The following ELFN1 variants were observed in gnomAD, a reference collection of about 807,000 sequenced individuals.
ELFN1 encodes the protein extracellular leucine rich repeat and fibronectin type III domain containing 1, also known as protein ELFN1.
A neutral mutation model predicts 7.6 loss-of-function variants in ELFN1; 6 were observed. The ratio of observed to expected loss-of-function variants is 0.79; its 90% CI spans 0.43 to 1.56. The LOEUF (loss-of-function observed/expected upper bound fraction) is 1.56. Among genes scored for constraint, ELFN1 ranks in the 40% most tolerant of loss-of-function variants. ELFN1 has a pLI of 0.01. For synonymous variants in ELFN1, 657 were observed against 588.1 expected (o/e 1.12, Z -1.70); for missense variants, 1,169 against 1,232.2 (o/e 0.95, Z 0.77).
In ELFN1 at chr7:1,746,640, A is replaced by G. The variant is rs749201685; in HGVS notation, c.2044A>G (p.Thr682Ala). The G allele has an allele frequency of 6.6e-6, 9 of 1,355,428 alleles. No individual in the cohort carries two copies. The South Asian group carries it at 1.5e-4, about 23-fold the overall frequency. The allele number at this position is 1,355,428 out of a possible 1,614,324, so 84.0% of individuals were successfully genotyped here. ...CTCCCCCGCGGCCGACGCCATCCTC[A>G]CTGTGACACCCGCGGCCGCCGTGCT... ...KGSPAADAIL[T>A]VTPAAAVLRA... The change falls in exon 4 of 4, where the codon ACT becomes GCT. Residue 682 changes from threonine to alanine, a missense_variant. Thr to Ala is a moderately conservative substitution (Grantham distance 58, BLOSUM62 0). Around this residue, in one of 2 missense-constraint regions of ELFN1, gnomAD observed 914 missense variants for 872.6 expected, o/e 1.05. Transcript: ENST00000424383.
intron 3 of ELFN1, among the ~76,000 whole-genome samples, chr7:1,733,388 C>G (rs937458908): frequency 1.3e-5 from 2 of 151,984 alleles, no homozygotes; most frequent in Non-Finnish European, 2.9e-5. Flanking sequence ...TGCTGATGGG[C>G]GTGGGGACAG....
intron 3 of ELFN1, among the ~76,000 whole-genome samples, chr7:1,715,571 C>A (rs1779804886): frequency 6.6e-6 from 1 of 152,228 alleles, no homozygotes; most frequent in African/African-American, 2.4e-5. Flanking sequence ...AAGCCCCTTC[C>A]CCGCTGCAAT....
At chr7:1,678,834 G>A (rs1778920977) in intron 1 of ELFN1, among the ~76,000 whole-genome samples, 3 of 152,226 alleles carry the variant, frequency 2.0e-5, no homozygotes, top group Admixed American at 1.3e-4. Context: ...GGAATATTTG[G>A]CACAGCAGCG....
intron 2 of ELFN1, among the ~76,000 whole-genome samples, chr7:1,707,393 C>T (rs574064804): frequency 2.6e-5 from 4 of 152,366 alleles, no homozygotes; most frequent in African/African-American, 9.6e-5. Flanking sequence ...CACAAGCATG[C>T]GTTCCTGCCT....
intron 3 of ELFN1, among the ~76,000 whole-genome samples, chr7:1,722,280 T>A (rs1170364031): frequency 6.6e-6 from 1 of 151,192 alleles, no homozygotes; most frequent in African/African-American, 2.4e-5. Flanking sequence ...TTTTTTTTTT[T>A]TTTTGAGATG....
At chr7:1,732,187 C>A (rs1780339374) in intron 3 of ELFN1, among the ~76,000 whole-genome samples, 1 of 152,152 alleles carries the variant, frequency 6.6e-6, no homozygotes, top group South Asian at 2.1e-4. Context: ...CAGCCCCAAT[C>A]TGGGGGCTGA....
chr7:1,676,391 C>G (rs1778872095), intron 1 of ELFN1, among the ~76,000 whole-genome samples: 1 of 152,116 alleles, frequency 6.6e-6, no homozygotes, highest in Admixed American at 6.5e-5. Flanking sequence ...ATGGGGTGGC[C>G]CGGGCTGGGG....
chr7:1,742,834 G>A (rs933126972), intron 3 of ELFN1, among the ~76,000 whole-genome samples: 12 of 152,106 alleles, frequency 7.9e-5, no homozygotes, highest in Non-Finnish European at 4.4e-5. Context: ...CCAAAGGGAG[G>A]AAAAAACCCA....
At chr7:1,701,693 T>C (rs1345603474) in intron 2 of ELFN1, among the ~76,000 whole-genome samples, 1 of 152,082 alleles carries the variant, frequency 6.6e-6, no homozygotes. Context: ...TTCTAGCTAC[T>C]TGGGAGGCTG....
intron 2 of ELFN1, among the ~76,000 whole-genome samples, chr7:1,690,173 GT>G (rs1388892358): frequency 1.3e-5 from 2 of 151,826 alleles, no homozygotes; most frequent in African/African-American, 4.8e-5. Flanking sequence ...GGATGGATGG[GT>G]GGGTAAATGG....
chr7:1,668,029 C>T (rs1379997314), upstream of ELFN1, among the ~76,000 whole-genome samples: 1 of 152,114 alleles, frequency 6.6e-6, no homozygotes, highest in Non-Finnish European at 1.5e-5. Context: ...AGTCCTCTGC[C>T]GTCCCCTCCC....
Position 1,673,812 on chromosome 7 carries a change from C to T in ELFN1, c.-549+3458C>T, listed in dbSNP as rs1250506537. ...TCCATTTTCCAGAAGGGTCCAGCATCGCCCGAGGTCACACAGCAAGTAAGC... is the reference window on the plus strand; with the variant it reads ...TCCATTTTCCAGAAGGGTCCAGCATTGCCCGAGGTCACACAGCAAGTAAGC... On this transcript the variant is annotated intron_variant, in intron 1 of 3. Transcript: ENST00000424383. This position sits in a 1 kb window ranked among gnomAD's most constrained non-coding sequence, Gnocchi z 4.7. 1.3e-5 allele frequency among the ~76,000 whole-genome samples: 2 copies of T among 152,224 alleles called. No homozygotes were observed. The highest frequency in any genetic ancestry group is 2.9e-5 in the Non-Finnish European group (2 of 68,020).
rs921903066 is a variant in ELFN1 at position 1,673,263 on chromosome 7, C to T, written c.-549+2909C>T. On this transcript the variant is annotated intron_variant, in intron 1 of 3. Transcript: ENST00000424383. The surrounding 1 kb of genome is among the most constrained non-coding windows in gnomAD (Gnocchi z 4.7). ...CTGTACAGATGGGGAGACTGAGGCC[C>T]GGATTGGGGTGGGGCCGGAGAGGGT... is the stretch of plus-strand genomic sequence containing the variant. 6.6e-5 allele frequency among the ~76,000 whole-genome samples: 10 copies of T among 152,118 alleles called. No individual in the cohort carries two copies. The highest frequency in any genetic ancestry group is 9.6e-5 in the African/African-American group (4 of 41,500).
chr7:1,721,171 C>T (rs1306244422), intron 3 of ELFN1, among the ~76,000 whole-genome samples: 1 of 152,250 alleles, frequency 6.6e-6, no homozygotes, highest in African/African-American at 2.4e-5. Flanking sequence ...GATTTAGCAA[C>T]TTGCACTGGG....
intron 1 of ELFN1, among the ~76,000 whole-genome samples, chr7:1,674,064 C>T (rs1364254810): frequency 6.6e-6 from 1 of 152,024 alleles, no homozygotes; most frequent in African/African-American, 2.4e-5. Flanking sequence ...GCGAGGACCA[C>T]TGCTCTGCTC....
chr7:1,710,270 TG>T (rs1779621821), intron 3 of ELFN1, among the ~76,000 whole-genome samples: 1 of 152,206 alleles, frequency 6.6e-6, no homozygotes, highest in African/African-American at 2.4e-5. Context: ...CTTCATTACA[TG>T]GGGGGACAGA....
At position 1,745,925 on chromosome 7, in the gene ELFN1, G is replaced by A; in HGVS notation, c.1329G>A (p.Arg443=). 3.2e-6 allele frequency: 5 copies of A among 1,566,012 alleles called. No individual in the cohort carries two copies. Among genetic ancestry groups the A allele is most frequent in the Non-Finnish European group, 4.3e-6 (5 of 1,157,564 alleles). Residue 443 remains arginine (R), a synonymous_variant, in exon 4 of 4, where the codon CGG becomes CGA. Coordinates refer to ENST00000424383, the MANE Select transcript of ELFN1 (RefSeq NM_001128636.4). ...LGAVYYCLRR[R]RRQEEKHKKA... Reference sequence around the variant, plus strand: ...CCGTCTACTACTGCCTGCGCAGGCGGCGGCGCCAGGAGGAGAAGCACAAGA... The same window carrying A: ...CCGTCTACTACTGCCTGCGCAGGCGACGGCGCCAGGAGGAGAAGCACAAGA...
chr7:1,676,433 G>T (rs182826779), intron 1 of ELFN1, among the ~76,000 whole-genome samples: 1 of 152,236 alleles, frequency 6.6e-6, no homozygotes, highest in Admixed American at 6.5e-5. Context: ...CCTGAGGTGG[G>T]TCCCTTCCCT....
In ELFN1 at chr7:1,746,700, G is replaced by A. The variant is rs1350475033; in HGVS notation, c.2104G>A (p.Glu702Lys). Residue 702 changes from glutamate (E) to lysine (K), a missense_variant, in exon 4 of 4, where the codon GAG becomes AAG. Glu to Lys is a moderately conservative substitution (Grantham distance 56). Transcript: ENST00000424383. Reference sequence around the variant, plus strand: ...GGCCGAGAAGGGTCGCCAGTACGGCGAGCACCGGCACTCGTACCCCGGCTC... The same window carrying A: ...GGCCGAGAAGGGTCGCCAGTACGGCAAGCACCGGCACTCGTACCCCGGCTC... ...AEAEKGRQYG[E>K]HRHSYPGSHP... The A allele has an allele frequency of 1.2e-5, 17 of 1,462,934 alleles. No homozygotes were observed. The highest frequency in any genetic ancestry group is 2.0e-4 in the Middle Eastern group (1 of 4,934). The allele number at this position is 1,462,934 out of a possible 1,614,324, so 90.6% of individuals were successfully genotyped here.
Sources: allele counts gnomAD v4.1 joint callset (sites outside exome capture counted in the v4.1 genomes callset), GRCh38; gene constraint gnomAD v4.1.1; regional missense constraint gnomAD v4.1.1; non-coding constraint Gnocchi (gnomAD v3.1); transcripts MANE v1.5; gene names NCBI Gene and HGNC (gene_info 2026-07-23, HGNC 2026-07-21).